The following ARSH variants were observed in gnomAD, a reference collection of about 807,000 sequenced individuals.
ARSH encodes arylsulfatase family member H.
A neutral mutation model predicts 28.7 loss-of-function variants in ARSH; 32 were observed. The observed-to-expected ratio is 1.11, with a 90% CI of 0.84 to 1.50. The LOEUF (loss-of-function observed/expected upper bound fraction) is 1.50. Among genes scored for constraint, ARSH ranks in the 40% most tolerant of loss-of-function variants. ARSH has a pLI of 0.00. For synonymous variants in ARSH, 176 were observed against 177.3 expected (o/e 0.99, Z 0.06); for missense variants, 440 against 452.4 (o/e 0.97, Z 0.25).
rs1877500905 is a variant in ARSH at position 3,006,711 on chromosome X, A to G, written c.92+7A>G. The G allele has an allele frequency of 8.4e-7, 1 of 1,187,397 alleles. No homozygotes were observed. Among genetic ancestry groups the G allele is most frequent in the Non-Finnish European group, 1.1e-6 (1 of 876,170 alleles). On this transcript the variant is annotated splice_region_variant and intron_variant, in intron 1 of 8. Coordinates refer to ENST00000381130, the MANE Select transcript of ARSH (RefSeq NM_001011719.2). ...ACGGTAATAACTCAGTGAGGTAAAG[A>G]TGGACTCTGACCCCCTCCCTGTATG...
chrX:3,011,169 A>G (rs1362740067), intron 2 of ARSH, among the ~76,000 whole-genome samples: 4 of 110,799 alleles, frequency 3.6e-5, no homozygotes, highest in African/African-American at 6.6e-5. Flanking sequence ...AAGAGGGATA[A>G]AGATATGAAT....
In ARSH at chrX:3,029,304, C is replaced by T; in HGVS notation, c.1257C>T (p.Asp419=). 3 of 1,210,839 alleles carry T rather than the reference C, an allele frequency of 2.5e-6. No homozygotes were observed. Among genetic ancestry groups the T allele is most frequent in the Non-Finnish European group, 3.4e-6 (3 of 895,113 alleles). The part of the protein sequence containing the change: ...PLLEGRASHS[D]HEFLFHYCGV... Reference sequence around the variant, plus strand: ...TGGAAGGAAGGGCGTCCCACTCCGACCACGAGTTCCTCTTCCACTACTGTG... The same window carrying T: ...TGGAAGGAAGGGCGTCCCACTCCGATCACGAGTTCCTCTTCCACTACTGTG... The change falls in exon 8 of 9, where the codon GAC becomes GAT. Residue 419 remains aspartate, a synonymous_variant. Transcript: ENST00000381130.
At chrX:3,016,608 C>T (rs1003606040) in intron 4 of ARSH, among the ~76,000 whole-genome samples, 1 of 111,256 alleles carries the variant, frequency 9.0e-6, no homozygotes, top group African/African-American at 3.3e-5. Flanking sequence ...GACAGGGTCT[C>T]ACTCTGTCAC....
At chrX:3,029,862 A>G (rs2089909150) in intron 8 of ARSH, among the ~76,000 whole-genome samples, 1 of 111,086 alleles carries the variant, frequency 9.0e-6, no homozygotes, top group African/African-American at 3.3e-5. Context: ...TGTGTTTGTG[A>G]GAGAGATTTG....
chrX:3,029,313 C>G lies in ARSH; in HGVS notation c.1266C>G (p.Phe422Leu), dbSNP rs368416563. 8.3e-7 allele frequency: 1 copy of G among 1,210,993 alleles called. No homozygotes were observed. Among genetic ancestry groups the G allele is most frequent in the Non-Finnish European group, 1.1e-6 (1 of 895,199 alleles). The stretch of plus-strand genomic sequence containing the variant: ...GGGCGTCCCACTCCGACCACGAGTT[C>G]CTCTTCCACTACTGTGGGGTCTATC... ...EGRASHSDHE[F>L]LFHYCGVYLH... is the part of the protein sequence containing the mutation. Residue 422 changes from phenylalanine to leucine, a missense_variant, in exon 8 of 9, where the codon TTC (phenylalanine) becomes TTG (leucine). Transcript: ENST00000381130.
chrX:3,023,491 C>T (rs1273620703), intron 5 of ARSH, among the ~76,000 whole-genome samples: 2 of 105,757 alleles, frequency 1.9e-5, no homozygotes, highest in African/African-American at 6.7e-5. Flanking sequence ...AATTTTTACA[C>T]AATGATAAAC....
intron 2 of ARSH, among the ~76,000 whole-genome samples, chrX:3,010,648 G>A (rs1336927271): frequency 1.8e-5 from 2 of 112,063 alleles, no homozygotes; most frequent in Admixed American, 1.9e-4. Flanking sequence ...TTGATATAAC[G>A]ACAATTAAAT....
At position 3,018,576 on chromosome X, in the gene ARSH, C is replaced by T. The variant is rs748712566; in HGVS notation, c.807C>T (p.His269=). 21 of 1,208,670 alleles carry T rather than the reference C, an allele frequency of 1.7e-5. No homozygotes were observed. Among genetic ancestry groups the T allele is most frequent in the Admixed American group, 1.5e-4 (7 of 45,581 alleles). ...TTCTCCTCTTTTTTTCCTTCCTGCA[C>T]GTACATACTCCACTCATCTCCAAAA... The part of the protein sequence containing the change: ...EPFLLFFSFL[H]VHTPLISKKK... Residue 269 remains histidine, a synonymous_variant, in exon 5 of 9, where the codon CAC becomes CAT. Transcript: ENST00000381130.
Position 3,015,239 on chromosome X carries a change from G to A in ARSH, c.610G>A (p.Ala204Thr), listed in dbSNP as rs1168950496. Reference sequence around the variant, plus strand: ...GGTCATCTTTGTCTTTGCTCTCCTCGCCTTTCTGTTTTTCACTTCCTGGTA... The same window carrying A: ...GGTCATCTTTGTCTTTGCTCTCCTCACCTTTCTGTTTTTCACTTCCTGGTA... ...WKVIFVFALL[A>T]FLFFTSWYSS... The change falls in exon 4 of 9, where the codon GCC becomes ACC. Residue 204 changes from alanine to threonine, a missense_variant. Coordinates refer to ENST00000381130, the MANE Select transcript of ARSH (RefSeq NM_001011719.2). The A allele has an allele frequency of 6.6e-6, 8 of 1,210,806 alleles. No homozygotes were observed. Among genetic ancestry groups the A allele is most frequent in the Non-Finnish European group, 5.6e-6 (5 of 895,209 alleles).
At chrX:3,016,717 A>G (rs975702147) in intron 4 of ARSH, among the ~76,000 whole-genome samples, 5 of 111,314 alleles carry the variant, frequency 4.5e-5, no homozygotes, top group South Asian at 3.9e-4. Context: ...AGCTGGGACT[A>G]CAGGTGCACA....
intron 1 of ARSH, among the ~76,000 whole-genome samples, chrX:3,009,107 G>A (rs2089839098): frequency 9.0e-6 from 1 of 111,399 alleles, no homozygotes; most frequent in Non-Finnish European, 1.9e-5. Flanking sequence ...ATTAATGGGA[G>A]GCTGAAGTGG....
At position 3,015,417 on chromosome X, in the gene ARSH, T is replaced by C. The variant is rs201152783; in HGVS notation, c.764+24T>C. On this transcript the variant is annotated intron_variant, in intron 4 of 8. Transcript: ENST00000381130. Reference sequence around the variant, plus strand: ...AGGTATTTAGCCATTTCTTGCCTGATTTCCTGCATGGAAATTTTATTTTTA... The same window carrying C: ...AGGTATTTAGCCATTTCTTGCCTGACTTCCTGCATGGAAATTTTATTTTTA... 9.5e-5 allele frequency: 113 copies of C among 1,183,732 alleles called. 1 individual carries two copies. The East Asian group carries it at 3.4e-3, about 35-fold the overall frequency.
At chrX:3,026,485 C>T (rs989632436) in intron 6 of ARSH, among the ~76,000 whole-genome samples, 1 of 111,271 alleles carries the variant, frequency 9.0e-6, no homozygotes, top group African/African-American at 3.3e-5. Flanking sequence ...ACGTAGAAGA[C>T]ATTCAATGAA....
rs773568941 is a variant in ARSH, at chrX:3,010,151, G to A, written c.214G>A (p.Gly72Arg). Residue 72 changes from glycine to arginine, a missense_variant and splice_region_variant, in exon 2 of 9, where the codon GGG becomes AGG. Coordinates refer to ENST00000381130, the MANE Select transcript of ARSH (RefSeq NM_001011719.2). ...FLTGRYPIRS[G>R]MVSAYNLNRA... ...GACCGGCCGGTACCCCATCAGATCA[G>A]GTGAGGCAATAAAAAGGCAGCAACA... 8.3e-7 allele frequency: 1 copy of A among 1,206,792 alleles called. No homozygotes were observed.
At chrX:3,032,911 A>G in intron 8 of ARSH, 107 bp from the exon 9 acceptor site, 1 of 797,246 alleles carries the variant, frequency 1.3e-6, no homozygotes, top group Non-Finnish European at 1.8e-6. Flanking sequence ...TGTGCAGAAG[A>G]GTATTATCAA....
chrX:3,030,043 G>A (rs2089909774), intron 8 of ARSH, among the ~76,000 whole-genome samples: 1 of 111,361 alleles, frequency 9.0e-6, no homozygotes, highest in Non-Finnish European at 1.9e-5. Flanking sequence ...TTAACTTAGG[G>A]AGGTGAGTGC....
chrX:3,008,501 C>A (rs2089836941), intron 1 of ARSH, among the ~76,000 whole-genome samples: 1 of 93,438 alleles, frequency 1.1e-5, no homozygotes, highest in South Asian at 5.1e-4. Flanking sequence ...TTCTTTCTTT[C>A]TTTCTTTCTT....
At position 3,014,992 on chromosome X, in the gene ARSH, C is replaced by G; in HGVS notation, c.363C>G (p.Ser121Arg). 1 of 1,210,812 alleles carries G rather than the reference C, an allele frequency of 8.3e-7. No homozygotes were observed. Among genetic ancestry groups the G allele is most frequent in the Non-Finnish European group, 1.1e-6 (1 of 894,985 alleles). ...GLIGKWHLGL[S>R]CASRNDHCYH... is the part of the protein sequence containing the mutation. Reference sequence around the variant, plus strand: ...TAGGCAAATGGCACCTGGGTTTGAGCTGCGCCTCTCGGAATGATCACTGTT... The same window carrying G: ...TAGGCAAATGGCACCTGGGTTTGAGGTGCGCCTCTCGGAATGATCACTGTT... Residue 121 changes from serine (S) to arginine (R), a missense_variant, in exon 4 of 9, where the codon AGC becomes AGG. Transcript: ENST00000381130.
Position 3,033,132 on chromosome X carries a change from C to T in ARSH, c.1436C>T (p.Pro479Leu). The T allele has an allele frequency of 8.3e-7, 1 of 1,211,306 alleles. No individual in the cohort carries two copies. Among genetic ancestry groups the T allele is most frequent in the Non-Finnish European group, 1.1e-6 (1 of 895,410 alleles). Residue 479 changes from proline to leucine, a missense_variant, in exon 9 of 9, where the codon CCA (proline) becomes CTA (leucine). By Grantham distance (98) the Pro-to-Leu change is moderately conservative. Coordinates refer to ENST00000381130, the MANE Select transcript of ARSH (RefSeq NM_001011719.2). ...TCGGGGGATGTAACCTACCACGACCCACCACTCCTCTTTGACATCTCAAGA... is the reference window on the plus strand; with the variant it reads ...TCGGGGGATGTAACCTACCACGACCTACCACTCCTCTTTGACATCTCAAGA... The part of the protein sequence containing the change: ...SCSGDVTYHD[P>L]PLLFDISRDP...
Sources: allele counts gnomAD v4.1 joint callset (sites outside exome capture counted in the v4.1 genomes callset), GRCh38; gene constraint gnomAD v4.1.1; transcripts MANE v1.5; gene names NCBI Gene and HGNC (gene_info 2026-07-23, HGNC 2026-07-21).